The following SLC9C2 variants were observed in gnomAD, a reference collection of about 807,000 sequenced individuals.
The protein encoded by SLC9C2 is solute carrier family 9 member C2 (putative).
Under a neutral mutation model 140.2 loss-of-function variants are expected in SLC9C2, and 75 were observed. The ratio of observed to expected loss-of-function variants is 0.53; its 90% CI spans 0.44 to 0.65. The LOEUF is 0.65. SLC9C2 is among the 30% of genes least tolerant of loss of function. The pLI is 0.00. For missense variants in SLC9C2, 1,074 were observed against 1,331.8 expected (o/e 0.81, Z 3.01); for synonymous variants, 375 against 420.9 (o/e 0.89, Z 1.34).
chr1:173,509,502 A>C, intron 24 of SLC9C2, 66 bp downstream of exon 24: 1 of 1,371,566 alleles, frequency 7.3e-7, no homozygotes, highest in Non-Finnish European at 9.7e-7. Flanking sequence ...AAAATATGAA[A>C]TGCATTTTGT....
chr1:173,512,534 A>T (rs1051742745), intron 23 of SLC9C2, among the ~76,000 whole-genome samples: 2 of 152,218 alleles, frequency 1.3e-5, no homozygotes, highest in Non-Finnish European at 2.9e-5. Context: ...CTTGCTTATC[A>T]GCTTAAGGAG....
At chr1:173,519,169 A>G (rs1345948629) in intron 22 of SLC9C2, among the ~76,000 whole-genome samples, 2 of 152,088 alleles carry the variant, frequency 1.3e-5, no homozygotes, top group Non-Finnish European at 2.9e-5. Flanking sequence ...GGAGTCCATC[A>G]GAGAGAGATG....
intron 4 of SLC9C2, among the ~76,000 whole-genome samples, chr1:173,595,505 G>A (rs1666397443): frequency 6.6e-6 from 1 of 152,054 alleles, no homozygotes; most frequent in Non-Finnish European, 1.5e-5. Context: ...GGGATGCTTG[G>A]AAATATGATA....
At chr1:173,519,359 A>G (rs1660645077) in intron 22 of SLC9C2, among the ~76,000 whole-genome samples, 1 of 152,178 alleles carries the variant, frequency 6.6e-6, no homozygotes, top group Admixed American at 6.5e-5. Context: ...GAGCCTGGAA[A>G]CAGATTGTGC....
At chr1:173,544,260 C>T (rs560458669) in intron 13 of SLC9C2, among the ~76,000 whole-genome samples, 13 of 152,316 alleles carry the variant, frequency 8.5e-5, no homozygotes, top group African/African-American at 2.9e-4. Flanking sequence ...TGAAAAAATG[C>T]TCATCATCAT....
At chr1:173,565,779 A>G (rs562545181) in intron 9 of SLC9C2, among the ~76,000 whole-genome samples, 12 of 152,214 alleles carry the variant, frequency 7.9e-5, no homozygotes, top group African/African-American at 2.2e-4. Context: ...GTTGCATTGA[A>G]TCTCTAGATC....
At position 173,517,526 on chromosome 1, in the gene SLC9C2, C is replaced by A. The variant is rs180731188; in HGVS notation, c.2907+11G>T. 4,996 of 1,584,648 alleles carry A rather than the reference C, an allele frequency of 3.2e-3. 8 individuals are homozygous for A. The highest frequency in any genetic ancestry group is 3.9e-3 in the Non-Finnish European group (4,604 of 1,169,620). On this transcript the variant is annotated intron_variant, in intron 23 of 27. Transcript: ENST00000367714. ...AATAATTAATAACTCATGACAGAACCATTTTCCTACCTGTAAACTAGTTTC... is the reference window on the plus strand; with the variant it reads ...AATAATTAATAACTCATGACAGAACAATTTTCCTACCTGTAAACTAGTTTC...
At chr1:173,518,439 C>T (rs1293153872) in intron 22 of SLC9C2, among the ~76,000 whole-genome samples, 1 of 152,142 alleles carries the variant, frequency 6.6e-6, no homozygotes, top group Non-Finnish European at 1.5e-5. Flanking sequence ...CCAAACCAAG[C>T]CATGATGTTA....
At chr1:173,545,461 C>G (rs528098137) in intron 13 of SLC9C2, among the ~76,000 whole-genome samples, 6 of 152,260 alleles carry the variant, frequency 3.9e-5, no homozygotes, top group Non-Finnish European at 7.4e-5. Context: ...GCCATGGACA[C>G]GTAATTTCTC....
intron 9 of SLC9C2, among the ~76,000 whole-genome samples, chr1:173,565,384 A>G (rs1664406212): frequency 6.6e-6 from 1 of 152,100 alleles, no homozygotes; most frequent in South Asian, 2.1e-4. Context: ...TGATTTTTGC[A>G]TGTGGTGAGA....
Position 173,527,340 on chromosome 1 carries a change from A to C in SLC9C2, c.2314-626T>G, listed in dbSNP as rs138699872. Among the ~76,000 whole-genome samples the C allele has an allele frequency of 8.5e-5, 13 of 152,332 alleles. No homozygotes were observed. In the East Asian group the frequency reaches 2.5e-3, roughly 29 times the overall value. ...TGCCTAATAGTTATCAGAAAAGATC[A>C]GTATGTACTCCACTGTGCACCAAGG... On this transcript the variant is annotated intron_variant, in intron 18 of 27. Coordinates refer to ENST00000367714, the MANE Select transcript of SLC9C2 (RefSeq NM_178527.4).
chr1:173,542,206 T>C (rs1662486958), intron 13 of SLC9C2, among the ~76,000 whole-genome samples: 1 of 152,088 alleles, frequency 6.6e-6, no homozygotes, highest in Non-Finnish European at 1.5e-5. Flanking sequence ...AAATACAAAC[T>C]ACCATCAGAG....
At chr1:173,506,685 G>C (rs1224594648) in intron 25 of SLC9C2, among the ~76,000 whole-genome samples, 171 bp downstream of exon 25, 1 of 152,188 alleles carries the variant, frequency 6.6e-6, no homozygotes. Context: ...TAGGGCACCT[G>C]TATTACAGTA....
intron 9 of SLC9C2, among the ~76,000 whole-genome samples, chr1:173,562,738 A>C (rs991365581): frequency 3.3e-5 from 5 of 152,200 alleles, no homozygotes; most frequent in Non-Finnish European, 7.3e-5. Flanking sequence ...CACATTTTAA[A>C]TCACATTCTT....
chr1:173,503,409 ATTTGC>A, intron 26 of SLC9C2, 83 bp from the exon 27 acceptor site: 1 of 1,265,122 alleles, frequency 7.9e-7, no homozygotes, highest in Non-Finnish European at 1.1e-6. Context: ...TGAAATATCT[ATTTGC>A]TTTCTCCCTA....
chr1:173,557,055 C>T (rs1375339286), intron 10 of SLC9C2, among the ~76,000 whole-genome samples: 1 of 152,158 alleles, frequency 6.6e-6, no homozygotes, highest in Non-Finnish European at 1.5e-5. Flanking sequence ...AGTTGAAGCT[C>T]AGCAAGCCTG....
At chr1:173,517,044 T>A (rs1336617853) in intron 23 of SLC9C2, among the ~76,000 whole-genome samples, 1 of 152,252 alleles carries the variant, frequency 6.6e-6, no homozygotes, top group African/African-American at 2.4e-5. Context: ...GTGGTTTTGA[T>A]TTGCATTTCT....
intron 21 of SLC9C2, among the ~76,000 whole-genome samples, chr1:173,523,135 G>A (rs962524744): frequency 3.3e-5 from 5 of 152,174 alleles, no homozygotes; most frequent in Admixed American, 1.3e-4. Flanking sequence ...ACTTTGGGAG[G>A]CCAAGGCGGG....
chr1:173,519,997 G>A (rs1660691986), intron 22 of SLC9C2, among the ~76,000 whole-genome samples: 1 of 152,052 alleles, frequency 6.6e-6, no homozygotes, highest in African/African-American at 2.4e-5. Flanking sequence ...AAAATTAGAT[G>A]GGCGTGGTGG....
Sources: allele counts gnomAD v4.1 joint callset (sites outside exome capture counted in the v4.1 genomes callset), GRCh38; gene constraint gnomAD v4.1.1; transcripts MANE v1.5; gene names NCBI Gene and HGNC (gene_info 2026-07-23, HGNC 2026-07-21).